The following TACC2 variants were observed in gnomAD, a reference collection of about 807,000 sequenced individuals.
TACC2 encodes transforming acidic coiled-coil containing protein 2.
TACC2 carries 137 observed loss-of-function variants against 227.3 expected under a neutral mutation model. The ratio of observed to expected loss-of-function variants is 0.60; its 90% CI spans 0.52 to 0.69. The LOEUF is 0.69. Ranked by LOEUF, TACC2 falls within the 30% of genes least tolerant of loss-of-function variation. The pLI is 0.00. For synonymous variants in TACC2, 1,523 were observed against 1,487.5 expected, an observed-to-expected ratio of 1.02 and a Z score of -0.55; for missense variants, 3,470 against 3,694.4, an observed-to-expected ratio of 0.94 and a Z score of 1.57.
rs547471537 is a variant in TACC2, at chr10:122,012,943, G to A, written c.-45-8994G>A. On this transcript the variant is annotated intron_variant, in intron 1 of 22. Transcript: ENST00000369005. ...TGCTCATAGAAACAAGAAACAGACC[G>A]GAAGGAGTGTGTCTGGCCTCTGGCC... 2.0e-4 allele frequency among the ~76,000 whole-genome samples: 30 copies of A among 152,336 alleles called. 1 individual carries two copies. Among genetic ancestry groups the A allele is most frequent in the African/African-American group, 6.3e-4 (26 of 41,586 alleles).
chr10:122,058,333 C>G, intron 3 of TACC2, among the ~76,000 whole-genome samples: 1 of 152,180 alleles, frequency 6.6e-6, no homozygotes, highest in East Asian at 1.9e-4. Flanking sequence ...CCGGCTTCCG[C>G]TGCAAAGCGC....
At chr10:122,042,796 A>G (rs546648725) in intron 2 of TACC2, among the ~76,000 whole-genome samples, 3 of 152,334 alleles carry the variant, frequency 2.0e-5, no homozygotes, top group East Asian at 3.9e-4. Flanking sequence ...TTTCAGAACA[A>G]TTGTACTCAG....
chr10:122,187,496 C>CT (rs954935666), intron 7 of TACC2, among the ~76,000 whole-genome samples: 20 of 149,922 alleles, frequency 1.3e-4, no homozygotes, highest in East Asian at 5.9e-4. Flanking sequence ...TTCTTTCTTT[C>CT]TTTTTTTTTT....
intron 1 of TACC2, among the ~76,000 whole-genome samples, chr10:121,995,765 TTTGTTTTG>T (rs1380889159): frequency 1.3e-5 from 2 of 152,004 alleles, no homozygotes; most frequent in East Asian, 3.9e-4. Flanking sequence ...TTTCTTTTTT[TTTGTTTTG>T]AGACAGAGTC....
At chr10:122,120,153 A>G (rs1051446592) in intron 5 of TACC2, among the ~76,000 whole-genome samples, 1 of 152,116 alleles carries the variant, frequency 6.6e-6, no homozygotes, top group Non-Finnish European at 1.5e-5. Flanking sequence ...CCTCACAGTA[A>G]GGTCTCCTGG....
chr10:122,047,509 G>A (rs1051920021), intron 2 of TACC2, among the ~76,000 whole-genome samples: 2 of 152,114 alleles, frequency 1.3e-5, no homozygotes, highest in African/African-American at 4.8e-5. Context: ...GCCAACCCCA[G>A]GTCAGCAGCC....
At chr10:122,146,518 A>G (rs1029081914) in intron 7 of TACC2, among the ~76,000 whole-genome samples, 6 of 151,912 alleles carry the variant, frequency 3.9e-5, no homozygotes, top group Admixed American at 2.0e-4. Flanking sequence ...TGGGAGTGGG[A>G]CTGGTGGCTT....
rs1424310114 is a variant in TACC2, at chr10:122,085,411, G to T, written c.2911G>T (p.Asp971Tyr). ...GCCTCCAGCAGCAGATGTCTTAAAA[G>T]ACTTTTCTCTTGCAGGGAACTTCAG... is the stretch of plus-strand genomic sequence containing the variant. Reference protein sequence around the residue: ...VSPPAADVLKDFSLAGNFSRK... With the variant: ...VSPPAADVLKYFSLAGNFSRK... The change falls in exon 4 of 23, where the codon GAC becomes TAC. Residue 971 changes from aspartate (D) to tyrosine (Y), a missense_variant. Physicochemically the swap from Asp to Tyr is radical, Grantham distance 160 (BLOSUM62 -3). Around this residue, in one of 10 missense-constraint regions of TACC2, gnomAD observed 1,924 missense variants for 1,978.3 expected, o/e 0.97. Transcript: ENST00000369005. 5.0e-6 allele frequency: 8 copies of T among 1,613,948 alleles called. No individual in the cohort carries two copies. Among genetic ancestry groups the T allele is most frequent in the South Asian group, 1.1e-5 (1 of 91,082 alleles).
chr10:122,213,197 C>A lies in TACC2; in HGVS notation c.7283+1489C>A. On this transcript the variant is annotated intron_variant, in intron 9 of 22. Coordinates refer to ENST00000369005, the MANE Select transcript of TACC2 (RefSeq NM_206862.4). The stretch of plus-strand genomic sequence containing the variant: ...AGGATCAAGAGAGGAAGCTGTTCCC[C>A]AGCAGCTCCTTCCAAAAAGCTGGGG... 5 of 771,986 alleles carry A rather than the reference C, an allele frequency of 6.5e-6. No homozygotes were observed. In the South Asian group the frequency reaches 8.1e-5, roughly 13 times the overall value. The allele number at this position is 771,986 out of a possible 1,614,324, so 47.8% of individuals were successfully genotyped here.
At chr10:122,160,450 A>G (rs1258880752) in intron 7 of TACC2, among the ~76,000 whole-genome samples, 4 of 152,154 alleles carry the variant, frequency 2.6e-5, no homozygotes, top group Admixed American at 6.5e-5. Context: ...GCAGGGTGCT[A>G]GCATGGTTGG....
intron 15 of TACC2, among the ~76,000 whole-genome samples, chr10:122,229,927 C>A (rs1467827025): frequency 2.6e-5 from 4 of 152,134 alleles, no homozygotes; most frequent in Non-Finnish European, 5.9e-5. Context: ...TTAAATTTGA[C>A]AACTTAATTT....
chr10:122,044,046 T>G (rs968009091), intron 2 of TACC2, among the ~76,000 whole-genome samples: 2 of 152,224 alleles, frequency 1.3e-5, no homozygotes, highest in East Asian at 1.9e-4. Context: ...TTACTATTCA[T>G]GAGGCATAAT....
At chr10:122,073,149 A>C (rs1019427376) in intron 3 of TACC2, among the ~76,000 whole-genome samples, 24 of 108,168 alleles carry the variant, frequency 2.2e-4, no homozygotes, top group Non-Finnish European at 3.9e-4. Flanking sequence ...ATATATATAT[A>C]TATACACACA....
chr10:122,175,575 A>G (rs2093658834), intron 7 of TACC2, among the ~76,000 whole-genome samples: 1 of 152,112 alleles, frequency 6.6e-6, no homozygotes, highest in Non-Finnish European at 1.5e-5. Flanking sequence ...TTTTCTGGAT[A>G]CTGTTTTTCT....
chr10:122,233,499 C>T (rs2095798474), intron 16 of TACC2, among the ~76,000 whole-genome samples: 1 of 152,180 alleles, frequency 6.6e-6, no homozygotes, highest in South Asian at 2.1e-4. Flanking sequence ...TCAGTCCTGG[C>T]TTAGAAGAGG....
At chr10:122,069,265 G>A (rs1274078698) in intron 3 of TACC2, among the ~76,000 whole-genome samples, 3 of 151,086 alleles carry the variant, frequency 2.0e-5, no homozygotes, top group African/African-American at 7.3e-5. Flanking sequence ...TTTTTGAGAC[G>A]GAGTCTCGCT....
At chr10:122,121,425 A>T (rs1386845447) in intron 5 of TACC2, among the ~76,000 whole-genome samples, 1 of 152,142 alleles carries the variant, frequency 6.6e-6, no homozygotes, top group African/African-American at 2.4e-5. Context: ...AAGGTTGTAC[A>T]GCTCTTTATT....
intron 5 of TACC2, among the ~76,000 whole-genome samples, chr10:122,104,673 C>G (rs188076186): frequency 1.3e-5 from 2 of 152,016 alleles, no homozygotes; most frequent in East Asian, 3.9e-4. Context: ...GCTCAGCTTT[C>G]ATTTTTTATT....
intron 5 of TACC2, among the ~76,000 whole-genome samples, chr10:122,127,364 A>C (rs2087087830): frequency 6.6e-6 from 1 of 152,186 alleles, no homozygotes; most frequent in African/African-American, 2.4e-5. Flanking sequence ...TATGTACAGA[A>C]CTGAAGATGT....
Sources: gnomAD v4.1 joint callset for allele counts (sites outside exome capture counted in the v4.1 genomes callset) on GRCh38, gnomAD v4.1.1 for gene constraint, gnomAD v4.1.1 regional missense constraint, MANE v1.5 for transcripts, NCBI Gene and HGNC (gene_info 2026-07-23, HGNC 2026-07-21) for gene names.